UBE2E2: variants seen among roughly 807,000 people sequenced by gnomAD.
The protein encoded by UBE2E2 is ubiquitin conjugating enzyme E2 E2.
A neutral mutation model predicts 24.7 loss-of-function variants in UBE2E2; 6 were observed. That is an observed-to-expected ratio of 0.24 (90% CI 0.13 to 0.48). The LOEUF (loss-of-function observed/expected upper bound fraction) is 0.48. UBE2E2 is among the 20% of genes least tolerant of loss of function. The pLI is 0.99. For missense variants in UBE2E2, 169 were observed against 245.0 expected (o/e 0.69, Z 2.07); for synonymous variants, 104 against 83.6 (o/e 1.24, Z -1.33).
At chr3:23,286,866 A>T (rs1698626714) in intron 3 of UBE2E2, among the ~76,000 whole-genome samples, 1 of 152,100 alleles carries the variant, frequency 6.6e-6, no homozygotes, top group Non-Finnish European at 1.5e-5. Context: ...CACTTCTTAG[A>T]TTAAGCTAAT....
chr3:23,397,538 C>G (rs949616912), intron 3 of UBE2E2, among the ~76,000 whole-genome samples: 2 of 152,146 alleles, frequency 1.3e-5, no homozygotes, highest in Non-Finnish European at 2.9e-5. Flanking sequence ...CAATCATAAC[C>G]ACTTCTTTTC....
Position 23,508,697 on chromosome 3 carries a change from T to G in UBE2E2, c.360+8957T>G, listed in dbSNP as rs79335653. Among the ~76,000 whole-genome samples, 581 of 152,296 alleles carry G rather than the reference T, an allele frequency of 3.8e-3. 2 individuals carry two copies. Among genetic ancestry groups the G allele is most frequent in the African/African-American group, 0.013 (556 of 41,568 alleles). ...TCAAACAAGTATTTTACTGTGCTTC[T>G]CCATGCCCTGGAGTTCCTATCTCTG... is the stretch of plus-strand genomic sequence containing the variant. On this transcript the variant is annotated intron_variant, in intron 4 of 5. Coordinates refer to ENST00000396703, the MANE Select transcript of UBE2E2 (RefSeq NM_152653.4).
chr3:23,495,078 A>G (rs1391972687), intron 3 of UBE2E2, among the ~76,000 whole-genome samples: 2 of 152,154 alleles, frequency 1.3e-5, no homozygotes, highest in African/African-American at 4.8e-5. Context: ...ATTTTAAAAT[A>G]CCAGTCTGTT....
intron 3 of UBE2E2, among the ~76,000 whole-genome samples, chr3:23,247,857 A>C (rs1697455552): frequency 6.6e-6 from 1 of 152,142 alleles, no homozygotes; most frequent in African/African-American, 2.4e-5. Context: ...AGCTTGTACA[A>C]AGTCATTTGC....
intron 3 of UBE2E2, among the ~76,000 whole-genome samples, chr3:23,276,893 A>G (rs989890025): frequency 6.6e-6 from 1 of 152,126 alleles, no homozygotes; most frequent in African/African-American, 2.4e-5. Flanking sequence ...ATTTTAGCAG[A>G]ATAATTTTTG....
In UBE2E2 at chr3:23,499,598, C is replaced by G. The variant is rs767993389; in HGVS notation, c.228-10C>G. ...TTCTAAGCACATTTCATTTGTATGT[C>G]TTATTTCAGTGCTGGACCCAAAGGA... On this transcript the variant is annotated splice_polypyrimidine_tract_variant and intron_variant, in intron 3 of 5. Transcript: ENST00000396703. 39 of 1,606,138 alleles carry G rather than the reference C, an allele frequency of 2.4e-5. No individual in the cohort carries two copies. Among genetic ancestry groups the G allele is most frequent in the Non-Finnish European group, 1.9e-5 (22 of 1,177,728 alleles).
At chr3:23,420,768 TC>T (rs1697776430) in intron 3 of UBE2E2, among the ~76,000 whole-genome samples, 1 of 152,228 alleles carries the variant, frequency 6.6e-6, no homozygotes, top group Non-Finnish European at 1.5e-5. Context: ...CCTGCCTCTT[TC>T]AGGAAGCCTT....
intron 3 of UBE2E2, among the ~76,000 whole-genome samples, chr3:23,459,690 C>T (rs527875029): frequency 6.6e-6 from 1 of 152,168 alleles, no homozygotes; most frequent in East Asian, 1.9e-4. Flanking sequence ...ATTCATGCCT[C>T]GGGACATATT....
chr3:23,590,482 T>G lies in UBE2E2; in HGVS notation c.*651T>G, dbSNP rs1157383346. The G allele has an allele frequency of 6.6e-6, 1 of 152,630 alleles. No homozygotes were observed. The highest frequency in any genetic ancestry group is 1.5e-5 in the Non-Finnish European group (1 of 68,042). The allele number at this position is 152,630 out of a possible 1,614,324, so 9.5% of individuals were successfully genotyped here. On this transcript the variant is annotated 3_prime_UTR_variant, in exon 6 of 6. Coordinates refer to ENST00000396703, the MANE Select transcript of UBE2E2 (RefSeq NM_152653.4). ...TGTATTTTGATTTACTTAAAGTGCT[T>G]GTAAATTTCTTAGGGACCTGCCACT...
chr3:23,545,404 T>C (rs1394295551), intron 5 of UBE2E2, among the ~76,000 whole-genome samples: 1 of 152,218 alleles, frequency 6.6e-6, no homozygotes, highest in African/African-American at 2.4e-5. Flanking sequence ...CATGCTGCCT[T>C]CAAGCATCTG....
At chr3:23,473,988 A>C (rs766277377) in intron 3 of UBE2E2, among the ~76,000 whole-genome samples, 40 of 152,186 alleles carry the variant, frequency 2.6e-4, no homozygotes, top group Non-Finnish European at 5.3e-4. Context: ...ACACATTTCC[A>C]TACTGGTTGT....
chr3:23,353,914 A>T (rs982072728), intron 3 of UBE2E2, among the ~76,000 whole-genome samples: 10 of 152,198 alleles, frequency 6.6e-5, no homozygotes, highest in African/African-American at 2.4e-4. Context: ...ACCAAAAAAG[A>T]GCCTGCATCG....
chr3:23,300,379 T>C lies in UBE2E2; in HGVS notation c.227+83067T>C, dbSNP rs910780110. Among the ~76,000 whole-genome samples, 84 of 152,166 alleles carry C rather than the reference T, an allele frequency of 5.5e-4. 2 individuals carry two copies. The East Asian group carries it at 0.015, about 28-fold the overall frequency. On this transcript the variant is annotated intron_variant, in intron 3 of 5. Transcript: ENST00000396703. ...AGTTGATGCAGTTTCTTCCTAGCCTTGATGGTCTTTACAATTTGGCATGTT... is the reference window on the plus strand; with the variant it reads ...AGTTGATGCAGTTTCTTCCTAGCCTCGATGGTCTTTACAATTTGGCATGTT...
At chr3:23,290,338 A>C (rs1414765294) in intron 3 of UBE2E2, among the ~76,000 whole-genome samples, 1 of 152,194 alleles carries the variant, frequency 6.6e-6, no homozygotes, top group African/African-American at 2.4e-5. Flanking sequence ...AGTCTAGATC[A>C]CTGTTTCTGA....
At chr3:23,302,722 T>C (rs17012966) in intron 3 of UBE2E2, among the ~76,000 whole-genome samples, 1,987 of 152,346 alleles carry the variant, frequency 0.013, 36 homozygotes, top group East Asian at 0.078. Context: ...TAATTTCCTA[T>C]ATACAGCTTG....
intron 3 of UBE2E2, among the ~76,000 whole-genome samples, chr3:23,356,649 T>C (rs772048936): frequency 2.6e-5 from 4 of 152,234 alleles, no homozygotes; most frequent in Non-Finnish European, 5.9e-5. Flanking sequence ...TCCTTTACAC[T>C]GTAAAATTTT....
intron 5 of UBE2E2, among the ~76,000 whole-genome samples, chr3:23,548,332 T>C (rs888514853): frequency 2.0e-5 from 3 of 152,226 alleles, no homozygotes; most frequent in African/African-American, 7.2e-5. Flanking sequence ...AGGGACTCTG[T>C]TGCATTTTGC....
intron 3 of UBE2E2, among the ~76,000 whole-genome samples, chr3:23,331,583 G>C (rs1415868282): frequency 6.6e-6 from 1 of 152,088 alleles, no homozygotes; most frequent in Admixed American, 6.5e-5. Context: ...AAGACCATAA[G>C]ATGGTGAGGA....
At chr3:23,230,021 A>G (rs897102727) in intron 3 of UBE2E2, among the ~76,000 whole-genome samples, 2 of 152,168 alleles carry the variant, frequency 1.3e-5, no homozygotes, top group Non-Finnish European at 2.9e-5. Flanking sequence ...TATGTTGTGT[A>G]TGTGTATAAA....
Sources: gnomAD v4.1 joint callset for allele counts (sites outside exome capture counted in the v4.1 genomes callset) on GRCh38, gnomAD v4.1.1 for gene constraint, MANE v1.5 for transcripts, NCBI Gene and HGNC (gene_info 2026-07-23, HGNC 2026-07-21) for gene names.